Variants in SNTG2 observed in about 807,000 individuals in gnomAD.
The protein encoded by SNTG2 is gamma-2-syntrophin.
SNTG2 carries 74 observed loss-of-function variants against 70.9 expected under a neutral mutation model. The ratio of observed to expected loss-of-function variants is 1.04; its 90% CI spans 0.86 to 1.27. SNTG2 has a LOEUF of 1.27. Ranked by LOEUF, SNTG2 falls within the 50% of genes most tolerant of loss-of-function variation. SNTG2 has a pLI of 0.00. For synonymous variants in SNTG2, 278 were observed against 273.8 expected (o/e 1.02, Z -0.15); for missense variants, 717 against 690.7 (o/e 1.04, Z -0.43).
At chr2:1,067,270 A>G (rs1663222570) in intron 1 of SNTG2, among the ~76,000 whole-genome samples, 2 of 152,248 alleles carry the variant, frequency 1.3e-5, no homozygotes, top group Admixed American at 6.5e-5. Flanking sequence ...CCAATGGGTA[A>G]TGAGATAAAA....
At chr2:990,678 G>A (rs4971354) in intron 1 of SNTG2, among the ~76,000 whole-genome samples, 13,220 of 152,178 alleles carry the variant, frequency 0.087, 759 homozygotes, top group South Asian at 0.21. Context: ...TAAATTGTGA[G>A]CATAATTTTT....
intron 11 of SNTG2, 97 bp downstream of exon 11, chr2:1,239,873 T>G (rs28411047): frequency 0.11 from 161,343 of 1,436,980 alleles, 9,859 homozygotes; most frequent in South Asian, 0.14. Flanking sequence ...CAGTCTCTGG[T>G]TTTTTGAAAT....
intron 11 of SNTG2, 143 bp downstream of exon 11, chr2:1,239,919 A>G: frequency 2.9e-6 from 3 of 1,042,654 alleles, no homozygotes; most frequent in South Asian, 1.5e-5. Context: ...ACATTAGCAC[A>G]TTTCAGACTG....
intron 12 of SNTG2, among the ~76,000 whole-genome samples, chr2:1,250,471 C>T (rs1400995831): frequency 6.6e-6 from 1 of 152,074 alleles, no homozygotes; most frequent in African/African-American, 2.4e-5. Flanking sequence ...CTGTCTGACT[C>T]TCTCTGTGTC....
intron 16 of SNTG2, among the ~76,000 whole-genome samples, chr2:1,354,748 T>G (rs945712992): frequency 6.6e-6 from 1 of 151,762 alleles, no homozygotes; most frequent in Non-Finnish European, 1.5e-5. Context: ...CTCCGCGTTC[T>G]CATCTGTAAA....
intron 1 of SNTG2, among the ~76,000 whole-genome samples, chr2:959,259 T>G (rs926968612): frequency 2.0e-5 from 3 of 152,356 alleles, no homozygotes; most frequent in South Asian, 2.1e-4. Context: ...GTGAATTACG[T>G]GCTTTGTAAG....
At chr2:1,057,912 C>T (rs1044098211) in intron 1 of SNTG2, among the ~76,000 whole-genome samples, 6 of 152,132 alleles carry the variant, frequency 3.9e-5, no homozygotes, top group Non-Finnish European at 4.4e-5. Context: ...TGGTGGCGCA[C>T]ACCTGTAGTC....
At chr2:1,363,258 C>T (rs1163412490) in intron 16 of SNTG2, among the ~76,000 whole-genome samples, 1 of 152,138 alleles carries the variant, frequency 6.6e-6, no homozygotes, top group Non-Finnish European at 1.5e-5. Flanking sequence ...TCTATGAGGA[C>T]ACAAGCTCCC....
At chr2:1,324,896 C>T (rs1043030994) in intron 16 of SNTG2, among the ~76,000 whole-genome samples, 3 of 152,232 alleles carry the variant, frequency 2.0e-5, no homozygotes, top group East Asian at 3.8e-4. Context: ...GACCATCAGA[C>T]TGTGCTGGTA....
At chr2:1,024,392 C>T (rs992907098) in intron 1 of SNTG2, among the ~76,000 whole-genome samples, 1 of 152,016 alleles carries the variant, frequency 6.6e-6, no homozygotes, top group Non-Finnish European at 1.5e-5. Context: ...TTTTTTTAGA[C>T]AGGGTCTCCA....
chr2:1,208,079 A>G (rs1673760913), intron 8 of SNTG2, among the ~76,000 whole-genome samples: 1 of 152,190 alleles, frequency 6.6e-6, no homozygotes. Context: ...TTGCAGACAG[A>G]TGCTCGGATT....
chr2:1,141,582 A>T (rs1429987879), intron 6 of SNTG2, among the ~76,000 whole-genome samples: 3 of 152,200 alleles, frequency 2.0e-5, no homozygotes, highest in Non-Finnish European at 4.4e-5. Flanking sequence ...CTGAGCCAAG[A>T]GGCAATCGAA....
At chr2:1,236,713 A>G (rs960839162) in intron 9 of SNTG2, among the ~76,000 whole-genome samples, 1 of 152,234 alleles carries the variant, frequency 6.6e-6, no homozygotes, top group African/African-American at 2.4e-5. Context: ...GCTCAAAAAT[A>G]TGCAGAACTG....
chr2:1,194,246 G>A (rs72768818), intron 8 of SNTG2, among the ~76,000 whole-genome samples: 2,559 of 152,286 alleles, frequency 0.017, 25 homozygotes, highest in Non-Finnish European at 0.026. Context: ...TGGTCAGGAT[G>A]GGGGGAGAAG....
At chr2:1,229,376 T>C (rs553580524) in intron 9 of SNTG2, among the ~76,000 whole-genome samples, 2 of 152,248 alleles carry the variant, frequency 1.3e-5, no homozygotes, top group South Asian at 4.1e-4. Flanking sequence ...AGAGTGTCCA[T>C]TGGTGCATTC....
intron 8 of SNTG2, among the ~76,000 whole-genome samples, chr2:1,201,525 A>G (rs1673276863): frequency 6.6e-6 from 1 of 151,894 alleles, no homozygotes; most frequent in African/African-American, 2.4e-5. Flanking sequence ...ATTTTCTTCT[A>G]GGTATTTTGA....
At chr2:1,228,638 G>C (rs1038164791) in intron 9 of SNTG2, among the ~76,000 whole-genome samples, 1 of 152,148 alleles carries the variant, frequency 6.6e-6, no homozygotes, top group Non-Finnish European at 1.5e-5. Context: ...GTAAAAGCGC[G>C]GCCACGGCTT....
intron 10 of SNTG2, 73 bp downstream of exon 10, chr2:1,238,090 C>T: frequency 1.3e-6 from 2 of 1,515,618 alleles, no homozygotes; most frequent in South Asian, 2.4e-5. Flanking sequence ...CATCATGTTT[C>T]TGATGATTTA....
intron 1 of SNTG2, among the ~76,000 whole-genome samples, chr2:1,054,936 G>GTTTTGT (rs113103411): frequency 0.75 from 112,597 of 149,688 alleles, 43,244 homozygotes; most frequent in Non-Finnish European, 0.84. Flanking sequence ...GGCTTTTTTT[G>GTTTTGT]TTTTGTTTTT....
Sources: gnomAD v4.1 joint callset for allele counts (sites outside exome capture counted in the v4.1 genomes callset) on GRCh38, gnomAD v4.1.1 for gene constraint, MANE v1.5 for transcripts, NCBI Gene and HGNC (gene_info 2026-07-23, HGNC 2026-07-21) for gene names.